Variants in TRIM35 observed in about 807,000 individuals in gnomAD.
TRIM35 encodes E3 ubiquitin-protein ligase TRIM35.
A neutral mutation model predicts 49.1 loss-of-function variants in TRIM35; 37 were observed. The ratio of observed to expected loss-of-function variants is 0.75; its 90% CI spans 0.58 to 0.99. TRIM35 has a LOEUF of 0.99. Ranked by LOEUF, TRIM35 falls within the 50% of genes least tolerant of loss-of-function variation. The pLI, the probability that TRIM35 is intolerant of heterozygous loss-of-function variation, is 0.00. For synonymous variants in TRIM35, 302 were observed against 289.3 expected, an observed-to-expected ratio of 1.04 and a Z score of -0.45; for missense variants, 648 against 702.7, an observed-to-expected ratio of 0.92 and a Z score of 0.88.
At chr8:27,297,530 T>C (rs1802594333) in intron 2 of TRIM35, among the ~76,000 whole-genome samples, 1 of 152,236 alleles carries the variant, frequency 6.6e-6, no homozygotes, top group South Asian at 2.1e-4. Flanking sequence ...TCACCTATTG[T>C]GTGCCAAGAA....
chr8:27,298,974 C>T (rs1278950957), intron 1 of TRIM35, among the ~76,000 whole-genome samples: 1 of 152,140 alleles, frequency 6.6e-6, no homozygotes, highest in Non-Finnish European at 1.5e-5. Context: ...GTTTCCTAAA[C>T]TGAATGGGTC....
chr8:27,295,692 T>TA (rs1289659108), intron 2 of TRIM35, among the ~76,000 whole-genome samples: 6 of 152,184 alleles, frequency 3.9e-5, no homozygotes, highest in African/African-American at 1.4e-4. Flanking sequence ...GTTGTATGGG[T>TA]ACTCAAAGTA....
At chr8:27,310,264 C>T (rs920344567) in intron 1 of TRIM35, among the ~76,000 whole-genome samples, 5 of 152,192 alleles carry the variant, frequency 3.3e-5, no homozygotes, top group African/African-American at 1.2e-4. Flanking sequence ...TATGGAGATG[C>T]TGCTTTATAA....
chr8:27,308,704 C>G (rs1161198947), intron 1 of TRIM35, among the ~76,000 whole-genome samples: 1 of 152,224 alleles, frequency 6.6e-6, no homozygotes, highest in Non-Finnish European at 1.5e-5. Context: ...GAGTGATTTG[C>G]ACCCTGCATC....
At chr8:27,303,159 T>C (rs1209858962) in intron 1 of TRIM35, among the ~76,000 whole-genome samples, 1 of 152,236 alleles carries the variant, frequency 6.6e-6, no homozygotes, top group Admixed American at 6.5e-5. Flanking sequence ...TTTTATCAAA[T>C]GTTTTCTCAC....
chr8:27,298,338 A>G, intron 2 of TRIM35, 126 bp downstream of exon 2: 1 of 804,500 alleles, frequency 1.2e-6, no homozygotes, highest in South Asian at 1.6e-5. Flanking sequence ...GGACCATCAG[A>G]GGTAAGGCAG....
intron 1 of TRIM35, among the ~76,000 whole-genome samples, chr8:27,302,107 G>A (rs1802692684): frequency 6.6e-6 from 1 of 152,162 alleles, no homozygotes; most frequent in African/African-American, 2.4e-5. Context: ...TTCTCTTCAA[G>A]AATGTCTTGG....
chr8:27,287,753 G>A lies in TRIM35; in HGVS notation c.1279C>T (p.Arg427Cys), dbSNP rs533921646. 222 of 1,610,140 alleles carry A rather than the reference G, an allele frequency of 1.4e-4. 1 individual carries two copies. In the Middle Eastern group the frequency reaches 2.5e-3, roughly 18 times the overall value. Residue 427 changes from arginine (R) to cysteine (C), a missense_variant, in exon 6 of 6, where the codon CGC (arginine) becomes TGC (cysteine). Arg to Cys is a radical substitution (Grantham distance 180, BLOSUM62 -3). Transcript: ENST00000305364. The surrounding 1 kb of genome is among the most constrained non-coding windows in gnomAD (Gnocchi z 6.0). The part of the protein sequence containing the change: ...TSPLVLAIPR[R>C]LRVELECEEG... ...TCACACTCCAGCTCCACACGCAGGC[G>A]GCGTGGGATGGCCAGGACCAGGGGC...
chr8:27,288,220 C>T, intron 5 of TRIM35, 93 bp from the exon 6 acceptor site: 1 of 1,239,732 alleles, frequency 8.1e-7, no homozygotes, highest in Non-Finnish European at 1.1e-6. Flanking sequence ...ACCACTGTGT[C>T]ACACCTGGCC....
At chr8:27,297,691 A>G (rs976607574) in intron 2 of TRIM35, among the ~76,000 whole-genome samples, 2 of 152,246 alleles carry the variant, frequency 1.3e-5, no homozygotes, top group African/African-American at 4.8e-5. Context: ...GTAAAAGAGG[A>G]GGATGATCAG....
intron 3 of TRIM35, among the ~76,000 whole-genome samples, chr8:27,293,576 T>A: frequency 6.6e-6 from 1 of 152,028 alleles, no homozygotes; most frequent in East Asian, 1.9e-4. Flanking sequence ...GGCACAGTGG[T>A]GCGCCAGTAG....
chr8:27,306,321 T>C (rs1563445561), intron 1 of TRIM35, among the ~76,000 whole-genome samples: 3 of 139,664 alleles, frequency 2.1e-5, no homozygotes, highest in African/African-American at 5.4e-5. Context: ...TATTTTCTTT[T>C]TTTCTTTCTT....
intron 1 of TRIM35, among the ~76,000 whole-genome samples, chr8:27,299,315 C>T (rs1177513092): frequency 6.6e-6 from 1 of 151,990 alleles, no homozygotes; most frequent in South Asian, 2.1e-4. Context: ...TTATCCTTTT[C>T]GATCTACATT....
chr8:27,293,946 A>T, intron 3 of TRIM35, 134 bp downstream of exon 3: 1 of 736,348 alleles, frequency 1.4e-6, no homozygotes, highest in Non-Finnish European at 2.2e-6. Flanking sequence ...AGAGCAGGTT[A>T]CTTGTGAGCT....
At chr8:27,296,177 T>C (rs1386984323) in intron 2 of TRIM35, among the ~76,000 whole-genome samples, 1 of 150,136 alleles carries the variant, frequency 6.7e-6, no homozygotes, top group Non-Finnish European at 1.5e-5. Context: ...TTTTTTTACA[T>C]TTAAGTTCCA....
rs930683233 is a variant in TRIM35 at position 27,284,930 on chromosome 8, A to G, written c.*2620T>C. 6.6e-6 allele frequency: 1 copy of G among 152,252 alleles called. No homozygotes were observed. Among genetic ancestry groups the G allele is most frequent in the Non-Finnish European group, 1.5e-5 (1 of 68,046 alleles). 9.4% of individuals were successfully genotyped at this position (152,252 alleles called of 1,614,324 possible). On this transcript the variant is annotated 3_prime_UTR_variant, in exon 6 of 6. Coordinates refer to ENST00000305364, the MANE Select transcript of TRIM35 (RefSeq NM_171982.5). ...TATTTCAAAGGACATCATCAAGGAA[A>G]TGAAACAGCTCACGGAGAAAAATTT...
chr8:27,290,297 T>A (rs1277070634), intron 3 of TRIM35, 119 bp from the exon 4 acceptor site: 1 of 987,360 alleles, frequency 1.0e-6, no homozygotes, highest in African/African-American at 1.6e-5. Flanking sequence ...ATTGTCAAGA[T>A]GTTAACAATA....
At chr8:27,294,009 G>A (rs943800132) in intron 3 of TRIM35, 71 bp downstream of exon 3, 58 of 1,504,576 alleles carry the variant, frequency 3.9e-5, no homozygotes, top group Non-Finnish European at 5.2e-5. Flanking sequence ...GCCAGGGCTG[G>A]TGGGCTATGG....
At chr8:27,310,768 G>A in intron 1 of TRIM35, 33 bp downstream of exon 1, 1 of 1,541,162 alleles carries the variant, frequency 6.5e-7, no homozygotes, top group Non-Finnish European at 8.8e-7. Flanking sequence ...TCCAGACCCG[G>A]CTCGGCCGCC....
Sources: gnomAD v4.1 joint callset for allele counts (sites outside exome capture counted in the v4.1 genomes callset) on GRCh38, gnomAD v4.1.1 for gene constraint, Gnocchi (gnomAD v3.1) non-coding constraint, MANE v1.5 for transcripts, NCBI Gene and HGNC (gene_info 2026-07-23, HGNC 2026-07-21) for gene names.